Variants in AFG2A observed in about 807,000 individuals in gnomAD.
The protein encoded by AFG2A is ATPase family gene 2 protein homolog A.
At chr4:123,175,653 T>C in the AFG2A span, among the ~76,000 whole-genome samples, 1 of 152,234 alleles carries the variant, frequency 6.6e-6, no homozygotes, top group Admixed American at 6.5e-5. Context: ...CATATTCTAT[T>C]GAAACACATT....
At chr4:123,149,491 A>G in the AFG2A span, among the ~76,000 whole-genome samples, 6 of 152,214 alleles carry the variant, frequency 3.9e-5, no homozygotes, top group Non-Finnish European at 8.8e-5. Flanking sequence ...TGTACTTTTC[A>G]ATTTCATAAT....
chr4:123,300,772 A>G, the AFG2A span, among the ~76,000 whole-genome samples: 1 of 150,286 alleles, frequency 6.7e-6, no homozygotes, highest in Non-Finnish European at 1.5e-5. Context: ...TTTTTAGTAG[A>G]TGAAAATAAG....
At chr4:123,059,022 T>C in the AFG2A span, among the ~76,000 whole-genome samples, 1 of 152,088 alleles carries the variant, frequency 6.6e-6, no homozygotes, top group Non-Finnish European at 1.5e-5. Context: ...GGTACAGGCA[T>C]TGGATAAATA....
chr4:123,282,127 G>C, the AFG2A span, among the ~76,000 whole-genome samples: 1 of 152,176 alleles, frequency 6.6e-6, no homozygotes, highest in South Asian at 2.1e-4. Flanking sequence ...GTGAGGGCAA[G>C]GAGTATCTGG....
chr4:122,959,414 AAC>A, the AFG2A span, among the ~76,000 whole-genome samples: 1 of 152,228 alleles, frequency 6.6e-6, no homozygotes, highest in African/African-American at 2.4e-5. Context: ...TCACAAGTAA[AAC>A]AGTTAATTAA....
chr4:123,083,212 T>C, the AFG2A span, among the ~76,000 whole-genome samples: 3 of 152,186 alleles, frequency 2.0e-5, no homozygotes, highest in African/African-American at 7.2e-5. Flanking sequence ...TTCTTAATCA[T>C]AGCAGAAAAG....
chr4:123,196,251 C>T, the AFG2A span, among the ~76,000 whole-genome samples: 8 of 147,888 alleles, frequency 5.4e-5, no homozygotes, highest in Non-Finnish European at 8.9e-5. Context: ...CCTCGTGATC[C>T]GCCCACCTTG....
At chr4:122,957,494 C>A in the AFG2A span, among the ~76,000 whole-genome samples, 11 of 152,226 alleles carry the variant, frequency 7.2e-5, no homozygotes, top group Admixed American at 2.0e-4. Flanking sequence ...TAAGTGTATC[C>A]CACTTATCGA....
the AFG2A span, among the ~76,000 whole-genome samples, chr4:122,995,893 C>A: frequency 1.3e-5 from 2 of 152,134 alleles, no homozygotes; most frequent in East Asian, 3.8e-4. Flanking sequence ...AGACTAGTAC[C>A]CACTAGTAGG....
At chr4:123,086,818 C>T in the AFG2A span, among the ~76,000 whole-genome samples, 2 of 151,918 alleles carry the variant, frequency 1.3e-5, no homozygotes, top group Non-Finnish European at 2.9e-5. Context: ...CAGCTGTTTC[C>T]GGTTGACTAA....
the AFG2A span, among the ~76,000 whole-genome samples, chr4:123,063,521 C>T: frequency 1.3e-5 from 2 of 152,006 alleles, no homozygotes; most frequent in African/African-American, 2.4e-5. Context: ...CCGAAGTGGG[C>T]GGATCACGAG....
At chr4:123,067,279 G>A in the AFG2A span, among the ~76,000 whole-genome samples, 1 of 152,074 alleles carries the variant, frequency 6.6e-6, no homozygotes, top group Non-Finnish European at 1.5e-5. Context: ...AGCACTTTGG[G>A]AGGCTGAGGC....
At chr4:123,272,099 T>A in the AFG2A span, among the ~76,000 whole-genome samples, 1 of 152,216 alleles carries the variant, frequency 6.6e-6, no homozygotes, top group Non-Finnish European at 1.5e-5. Context: ...TCAGCAAAGG[T>A]AGTTCAAAAT....
At chr4:123,005,907 A>T in the AFG2A span, among the ~76,000 whole-genome samples, 1 of 152,316 alleles carries the variant, frequency 6.6e-6, no homozygotes, top group Non-Finnish European at 1.5e-5. Context: ...TTTTGCACTA[A>T]ACAGAGTATT....
the AFG2A span, among the ~76,000 whole-genome samples, chr4:123,013,592 G>C: frequency 2.6e-5 from 4 of 152,148 alleles, no homozygotes; most frequent in Non-Finnish European, 5.9e-5. Flanking sequence ...ACCAGGGCCT[G>C]TCGGGGTTGG....
chr4:122,993,347 G>T, the AFG2A span, among the ~76,000 whole-genome samples: 1 of 151,962 alleles, frequency 6.6e-6, no homozygotes, highest in Non-Finnish European at 1.5e-5. Flanking sequence ...TTTATATTCT[G>T]CTTTTTTCAC....
At chr4:123,188,294 A>T in the AFG2A span, among the ~76,000 whole-genome samples, 1 of 152,168 alleles carries the variant, frequency 6.6e-6, no homozygotes, top group Admixed American at 6.5e-5. Flanking sequence ...TTTCATTATA[A>T]TATTAAAACT....
At chr4:123,037,717 A>G in the AFG2A span, among the ~76,000 whole-genome samples, 1 of 152,102 alleles carries the variant, frequency 6.6e-6, no homozygotes, top group Non-Finnish European at 1.5e-5. Context: ...CCAGAAATAC[A>G]TTTGAATTTG....
the AFG2A span, among the ~76,000 whole-genome samples, chr4:123,313,655 G>GA: frequency 1.3e-5 from 2 of 152,172 alleles, no homozygotes; most frequent in Non-Finnish European, 2.9e-5. Flanking sequence ...TGGCACTCCT[G>GA]GTTCTGAGTA....
Sources: gnomAD v4.1 joint callset for allele counts (sites outside exome capture counted in the v4.1 genomes callset) on GRCh38, gnomAD v4.1.1 for gene constraint, MANE v1.5 for transcripts, NCBI Gene and HGNC (gene_info 2026-07-23, HGNC 2026-07-21) for gene names.